SUGCT: variants seen among roughly 807,000 people sequenced by gnomAD.
SUGCT encodes succinyl-CoA:glutarate CoA-transferase.
SUGCT carries 41 observed loss-of-function variants against 55.0 expected under a neutral mutation model. The observed-to-expected ratio is 0.74, with a 90% confidence interval of 0.58 to 0.97. The LOEUF (loss-of-function observed/expected upper bound fraction) is 0.97. SUGCT is among the 50% of genes least tolerant of loss of function. SUGCT has a pLI of 0.00. For synonymous variants in SUGCT, 187 were observed against 200.4 expected, an observed-to-expected ratio of 0.93 and a Z score of 0.56; for missense variants, 568 against 547.8, an observed-to-expected ratio of 1.04 and a Z score of -0.37.
At chr7:40,934,107 C>G in the SUGCT span, among the ~76,000 whole-genome samples, 1 of 152,174 alleles carries the variant, frequency 6.6e-6, no homozygotes, top group Non-Finnish European at 1.5e-5. Context: ...TGGTGACCTA[C>G]AGATGGGGTT....
chr7:40,321,439 A>C (rs529204111), intron 9 of SUGCT, among the ~76,000 whole-genome samples: 2 of 145,686 alleles, frequency 1.4e-5, no homozygotes, highest in Middle Eastern at 9.0e-3. Context: ...CTGGAGTGTA[A>C]TGGTGCTGTC....
At chr7:40,169,966 G>A (rs1163377914) in intron 1 of SUGCT, among the ~76,000 whole-genome samples, 3 of 152,058 alleles carry the variant, frequency 2.0e-5, no homozygotes, top group Non-Finnish European at 4.4e-5. Context: ...CTTCCTCAAT[G>A]CCTCCCTTAG....
At chr7:40,707,385 A>G (rs1250348177) in intron 12 of SUGCT, among the ~76,000 whole-genome samples, 3 of 152,206 alleles carry the variant, frequency 2.0e-5, no homozygotes. Flanking sequence ...ATATAACACA[A>G]GAATGATGCT....
intron 12 of SUGCT, among the ~76,000 whole-genome samples, chr7:40,568,267 G>T (rs1437630649): frequency 6.6e-6 from 1 of 151,904 alleles, no homozygotes; most frequent in Non-Finnish European, 1.5e-5. Context: ...CATCATTCAG[G>T]TACATAGTAA....
rs186352997 is a variant in SUGCT at position 40,416,672 on chromosome 7, A to G, written c.817-32615A>G. Among the ~76,000 whole-genome samples, 367 of 152,072 alleles carry G rather than the reference A, an allele frequency of 2.4e-3. 5 individuals are homozygous for G. The highest frequency in any genetic ancestry group is 2.8e-4 in the Non-Finnish European group (19 of 67,824). On this transcript the variant is annotated intron_variant, in intron 9 of 13. Coordinates refer to ENST00000335693, the MANE Select transcript of SUGCT (RefSeq NM_001193313.2). ...ATCTTGCGAATATTGATTTAATTTG[A>G]TAGTATTTTATTGACATCATCTGCA... is the stretch of plus-strand genomic sequence containing the variant.
the SUGCT span, among the ~76,000 whole-genome samples, chr7:41,007,492 G>A: frequency 6.6e-6 from 1 of 152,322 alleles, no homozygotes. Flanking sequence ...TGTTCCTGCT[G>A]TGTGCACGCC....
intron 6 of SUGCT, 128 bp from the exon 7 acceptor site, chr7:40,237,507 T>G (rs1789093043): frequency 1.4e-6 from 1 of 713,144 alleles, no homozygotes. Context: ...CTTCAAGGAA[T>G]GGTATAGATC....
intron 12 of SUGCT, among the ~76,000 whole-genome samples, chr7:40,738,542 G>A (rs747746051): frequency 6.6e-6 from 1 of 152,196 alleles, no homozygotes; most frequent in Non-Finnish European, 1.5e-5. Flanking sequence ...AATGAAGCCA[G>A]TGTAGCTTTA....
At chr7:40,391,529 A>G (rs989780053) in intron 9 of SUGCT, among the ~76,000 whole-genome samples, 3 of 152,232 alleles carry the variant, frequency 2.0e-5, no homozygotes, top group Non-Finnish European at 2.9e-5. Flanking sequence ...AGACACATGA[A>G]AAAATGCTCA....
chr7:40,465,622 A>C (rs1790062408), intron 11 of SUGCT, among the ~76,000 whole-genome samples: 1 of 152,190 alleles, frequency 6.6e-6, no homozygotes, highest in Non-Finnish European at 1.5e-5. Context: ...AAAGAAAAAA[A>C]AAAGTTTATT....
intron 13 of SUGCT, among the ~76,000 whole-genome samples, chr7:40,856,943 A>G (rs558571725): frequency 6.6e-6 from 1 of 152,264 alleles, no homozygotes; most frequent in South Asian, 2.1e-4. Context: ...TACATTTCTT[A>G]GATTATTACT....
chr7:40,450,072 G>A (rs887491771), intron 10 of SUGCT, among the ~76,000 whole-genome samples: 1 of 152,098 alleles, frequency 6.6e-6, no homozygotes, highest in Non-Finnish European at 1.5e-5. Flanking sequence ...GGGATGACAG[G>A]TGCGTGCCAC....
chr7:40,809,658 T>A, intron 13 of SUGCT, among the ~76,000 whole-genome samples: 1 of 151,984 alleles, frequency 6.6e-6, no homozygotes, highest in East Asian at 1.9e-4. Context: ...ATTCAGGGGG[T>A]ATATGTGCAG....
chr7:40,577,575 A>G lies in SUGCT; in HGVS notation c.1089+81189A>G, dbSNP rs141978746. ...TAATTTTGCTGAACTCAAACTGTAA[A>G]CTCTCTATCTCACACCTCAAATCTT... On this transcript the variant is annotated intron_variant, in intron 12 of 13. Coordinates refer to ENST00000335693, the MANE Select transcript of SUGCT (RefSeq NM_001193313.2). 5.4e-3 allele frequency among the ~76,000 whole-genome samples: 827 copies of G among 151,762 alleles called. 6 individuals carry two copies. Among genetic ancestry groups the G allele is most frequent in the African/African-American group, 0.018 (756 of 41,328 alleles).
intron 13 of SUGCT, among the ~76,000 whole-genome samples, chr7:40,751,863 A>G (rs1788030151): frequency 6.6e-6 from 1 of 152,142 alleles, no homozygotes; most frequent in South Asian, 2.1e-4. Context: ...CCAAGAATGA[A>G]CTCATTGGAG....
At chr7:40,875,063 C>T in the SUGCT span, among the ~76,000 whole-genome samples, 1 of 152,232 alleles carries the variant, frequency 6.6e-6, no homozygotes, top group Non-Finnish European at 1.5e-5. Flanking sequence ...AATTTCCTTG[C>T]ACTCTGAGTT....
At chr7:40,142,454 C>A (rs1284993985) in intron 1 of SUGCT, among the ~76,000 whole-genome samples, 2 of 152,136 alleles carry the variant, frequency 1.3e-5, no homozygotes, top group Non-Finnish European at 2.9e-5. Context: ...TTACATAAGG[C>A]AGAGAATAGT....
chr7:40,255,227 C>CAA (rs35996807), intron 7 of SUGCT, among the ~76,000 whole-genome samples: 7 of 101,032 alleles, frequency 6.9e-5, no homozygotes, highest in African/African-American at 2.4e-4. Context: ...AACTTCATCT[C>CAA]AAAAAAAAAA....
At chr7:41,026,603 T>A in the SUGCT span, among the ~76,000 whole-genome samples, 1 of 152,214 alleles carries the variant, frequency 6.6e-6, no homozygotes, top group South Asian at 2.1e-4. Context: ...AAATGATTAT[T>A]TAGGTAAACA....
Sources: gnomAD v4.1 joint callset for allele counts (sites outside exome capture counted in the v4.1 genomes callset) on GRCh38, gnomAD v4.1.1 for gene constraint, MANE v1.5 for transcripts, NCBI Gene and HGNC (gene_info 2026-07-23, HGNC 2026-07-21) for gene names.